Variants in IL12RB1 observed in about 807,000 individuals in gnomAD.
IL12RB1 encodes the protein interleukin-12 receptor subunit beta-1.
In IL12RB1, 64 loss-of-function variants were observed where a neutral mutation model predicts 94.4. The observed-to-expected ratio is 0.68, with a 90% CI of 0.55 to 0.83. IL12RB1 has a LOEUF of 0.83. Among genes scored for constraint, IL12RB1 ranks in the 40% least tolerant of loss-of-function variants. The probability of loss-of-function intolerance (pLI) is 0.00; values close to 1 mark genes in which losing one functional copy is unlikely to be tolerated. For synonymous variants in IL12RB1, 362 were observed against 355.5 expected, an observed-to-expected ratio of 1.02 and a Z score of -0.21; for missense variants, 814 against 855.6, an observed-to-expected ratio of 0.95 and a Z score of 0.61.
upstream of IL12RB1, among the ~76,000 whole-genome samples, chr19:18,089,932 G>A (rs574856772): frequency 6.6e-6 from 1 of 152,074 alleles, no homozygotes; most frequent in Non-Finnish European, 1.5e-5. Context: ...GCACAGTGGG[G>A]ACGGGGGCCC....
intron 11 of IL12RB1, 95 bp from the exon 12 acceptor site, chr19:18,066,792 C>G: frequency 4.2e-6 from 4 of 941,402 alleles, no homozygotes; most frequent in East Asian, 5.0e-5. Context: ...TTTGGGAGGC[C>G]GAGGTGGGTA....
chr19:18,077,133 T>C (rs1599528262), intron 5 of IL12RB1, among the ~76,000 whole-genome samples: 1 of 152,168 alleles, frequency 6.6e-6, no homozygotes, highest in African/African-American at 2.4e-5. Context: ...AAGGCCAAGG[T>C]GGGCGGATCA....
At chr19:18,096,251 A>C (rs558811337) in intron 1 of IL12RB1, among the ~76,000 whole-genome samples, 1 of 151,538 alleles carries the variant, frequency 6.6e-6, no homozygotes, top group Non-Finnish European at 1.5e-5. Flanking sequence ...CAAAAAAAAA[A>C]TTTTTTTTTA....
chr19:18,075,796 T>G lies in IL12RB1; in HGVS notation c.653A>C (p.Gln218Pro), dbSNP rs750806550. The change falls in exon 7 of 17, where the codon CAA (glutamine) becomes CCA (proline). Residue 218 changes from glutamine (Q) to proline (P), a missense_variant. Gln to Pro is a moderately conservative substitution (Grantham distance 76). Transcript: ENST00000593993. ...FQLRRRQLGSQGSSWSKWSSP... is the reference protein window; with the variant it reads ...FQLRRRQLGSPGSSWSKWSSP... Reference sequence around the variant, plus strand: ...GCTCCACTTGCTCCAGGAACTTCCTTGGCTCCCCAGCTGCCGTCGTCGGAG... The same window carrying G: ...GCTCCACTTGCTCCAGGAACTTCCTGGGCTCCCCAGCTGCCGTCGTCGGAG... 20 of 1,613,142 alleles carry G rather than the reference T, an allele frequency of 1.2e-5. No homozygotes were observed. The highest frequency in any genetic ancestry group is 1.7e-5 in the Non-Finnish European group (20 of 1,179,226).
chr19:18,067,854 G>T (rs184353123), intron 11 of IL12RB1, among the ~76,000 whole-genome samples: 3 of 151,864 alleles, frequency 2.0e-5, no homozygotes, highest in Admixed American at 1.3e-4. Flanking sequence ...ATGCCACCAT[G>T]GCTGGCAAAC....
At chr19:18,097,695 C>T (rs1409905754) in intron 1 of IL12RB1, 6 of 765,836 alleles carry the variant, frequency 7.8e-6, no homozygotes, top group Non-Finnish European at 1.0e-5. Context: ...GGGGCCAGGC[C>T]GTGTCAGCTG....
At position 18,080,840 on chromosome 19, in the gene IL12RB1, T is replaced by C. The variant is rs1361053897; in HGVS notation, c.401A>G (p.Tyr134Cys). Reference sequence around the variant, plus strand: ...GAGAACAAGGTGCTAACCTGAGTTGTAGAGCTGCAGGGTCACCTCAGGAGA... The same window carrying C: ...GAGAACAAGGTGCTAACCTGAGTTGCAGAGCTGCAGGGTCACCTCAGGAGA... The part of the protein sequence containing the change: ...EKSPEVTLQL[Y>C]NSVKYEPPLG... Residue 134 changes from tyrosine to cysteine, a missense_variant, in exon 4 of 17, where the codon TAC (tyrosine) becomes TGC (cysteine). Tyr to Cys is a radical substitution (Grantham distance 194). Coordinates refer to ENST00000593993, the MANE Select transcript of IL12RB1 (RefSeq NM_005535.3). 2 of 1,606,084 alleles carry C rather than the reference T, an allele frequency of 1.2e-6. No individual in the cohort carries two copies.
chr19:18,090,525 A>G (rs1157804456), upstream of IL12RB1: 2 of 152,208 alleles, frequency 1.3e-5, no homozygotes, highest in African/African-American at 2.4e-5. Flanking sequence ...CCAGCTGGAG[A>G]TGAAGAGATG....
At chr19:18,071,614 CTG>C (rs1407097605) in intron 9 of IL12RB1, among the ~76,000 whole-genome samples, 1 of 144,882 alleles carries the variant, frequency 6.9e-6, no homozygotes, top group East Asian at 2.1e-4. Context: ...TAGCAAAACT[CTG>C]TCTCTTAAAA....
chr19:18,081,059 C>T (rs943431465), intron 3 of IL12RB1, 58 bp from the exon 4 acceptor site: 117 of 1,478,080 alleles, frequency 7.9e-5, no homozygotes, highest in Non-Finnish European at 1.0e-4. Context: ...ACCCCACAGC[C>T]GACTTTGTGC....
intron 1 of IL12RB1, among the ~76,000 whole-genome samples, chr19:18,093,583 CTCTCTT>C (rs1568532713): frequency 6.6e-6 from 1 of 152,140 alleles, no homozygotes; most frequent in Admixed American, 6.6e-5. Context: ...TTCAGGGAAC[CTCTCTT>C]TCCCCAGGAT....
intron 4 of IL12RB1, among the ~76,000 whole-genome samples, chr19:18,079,848 G>T (rs2035760482): frequency 2.6e-5 from 4 of 151,970 alleles, no homozygotes. Flanking sequence ...AGTGAGCCGA[G>T]ATCGCGCCAC....
intron 1 of IL12RB1, chr19:18,097,970 T>C: frequency 1.6e-6 from 1 of 637,080 alleles, no homozygotes; most frequent in Non-Finnish European, 2.2e-6. Context: ...GATCGCTTCT[T>C]TTTGACCACC....
rs17882557 is a variant in IL12RB1, at chr19:18,068,820, C to T, written c.1190-294G>A. 4.1e-3 allele frequency among the ~76,000 whole-genome samples: 620 copies of T among 150,420 alleles called. 3 individuals are homozygous for T. Among genetic ancestry groups the T allele is most frequent in the African/African-American group, 0.015 (607 of 40,962 alleles). On this transcript the variant is annotated intron_variant, in intron 10 of 16. Transcript: ENST00000593993. ...CTGGAGTGCAATAGCGCAATCTTGA[C>T]TCACTGCAATCCCTGCCTCCCGGGT...
intron 13 of IL12RB1, among the ~76,000 whole-genome samples, chr19:18,063,085 T>C (rs2034293456): frequency 5.9e-5 from 2 of 34,082 alleles, no homozygotes; most frequent in Non-Finnish European, 8.1e-5. Context: ...TCTATTTTTT[T>C]TTTTTTTTTT....
Position 18,097,922 on chromosome 19 carries a change from G to A in IL12RB1, c.-230+833C>T, listed in dbSNP as rs984292901. The A allele has an allele frequency of 2.3e-5, 24 of 1,043,890 alleles. No individual in the cohort carries two copies. The African/African-American group carries it at 2.8e-4, about 12-fold the overall frequency. 64.7% of individuals were successfully genotyped at this position (1,043,890 alleles called of 1,614,324 possible). ...GCCGGGAGGGGCGGGGCCTTCACGG[G>A]CTGTAGGGAAACTGAGGCAGAGGGT... On this transcript the variant is annotated intron_variant, in intron 1 of 4. Transcript: ENST00000594176.
chr19:18,092,788 G>A (rs2036694159), intron 1 of IL12RB1, among the ~76,000 whole-genome samples: 1 of 151,604 alleles, frequency 6.6e-6, no homozygotes, highest in African/African-American at 2.4e-5. Flanking sequence ...ACAGGCATGA[G>A]CCACCGCTCC....
intron 13 of IL12RB1, 144 bp from the exon 14 acceptor site, chr19:18,062,421 C>A (rs932242186): frequency 9.4e-5 from 54 of 576,916 alleles, no homozygotes; most frequent in African/African-American, 7.7e-4. Flanking sequence ...ACCACAGAAC[C>A]CACCTGCCCG....
rs774926554 is a variant in IL12RB1 at position 18,066,585 on chromosome 19, C to G, written c.1440G>C (p.Glu480Asp). Residue 480 changes from glutamate to aspartate, a missense_variant, in exon 12 of 17, where the codon GAG (glutamate) becomes GAC (aspartate). Transcript: ENST00000593993. ...LLSTCPGVLK[E>D]YVVRCRDEDS... ...CTTCATCTCGGCAGCGGACAACATA[C>G]TCCTTTAGGACGCCGGGACAGGTGC... is the stretch of plus-strand genomic sequence containing the variant. 6.2e-7 allele frequency: 1 copy of G among 1,613,676 alleles called. No homozygotes were observed. The highest frequency in any genetic ancestry group is 8.5e-7 in the Non-Finnish European group (1 of 1,179,746).
Sources: allele counts gnomAD v4.1 joint callset (sites outside exome capture counted in the v4.1 genomes callset), GRCh38; gene constraint gnomAD v4.1.1; transcripts MANE v1.5; gene names NCBI Gene and HGNC (gene_info 2026-07-23, HGNC 2026-07-21).